Variants in RAB3B observed in about 807,000 individuals in gnomAD.
RAB3B encodes the protein ras-related protein Rab-3B.
A neutral mutation model predicts 20.5 loss-of-function variants in RAB3B; 11 were observed. The observed-to-expected ratio is 0.54, with a 90% CI of 0.34 to 0.89. The LOEUF is 0.89. RAB3B is among the 40% of genes least tolerant of loss of function. The pLI, the probability that RAB3B is intolerant of heterozygous loss-of-function variation, is 0.02. For missense variants in RAB3B, 225 were observed against 280.9 expected, an observed-to-expected ratio of 0.80 and a Z score of 1.42; for synonymous variants, 99 against 106.3, an observed-to-expected ratio of 0.93 and a Z score of 0.42.
intron 2 of RAB3B, among the ~76,000 whole-genome samples, chr1:51,974,940 G>A (rs894931812): frequency 2.0e-5 from 3 of 152,226 alleles, no homozygotes; most frequent in South Asian, 2.1e-4. Flanking sequence ...TTGGCTGGGC[G>A]TGGTGGCTCA....
At chr1:51,971,128 T>A (rs1684927470) in intron 2 of RAB3B, among the ~76,000 whole-genome samples, 1 of 151,954 alleles carries the variant, frequency 6.6e-6, no homozygotes, top group Admixed American at 6.6e-5. Flanking sequence ...CACAGTATTA[T>A]GTTATCACAT....
In RAB3B at chr1:51,933,432, T is replaced by C; in HGVS notation, c.358A>G (p.Ile120Val). ...GCATTGTCCCAGGAGTAGGTCTTGA[T>C]CTGAGTAGCCCTAAAATGAGATAGA... is the stretch of plus-strand genomic sequence containing the variant. ...FNAVQDWATQ[I>V]KTYSWDNAQV... The change falls in exon 4 of 5, where the codon ATC (isoleucine) becomes GTC (valine). Residue 120 changes from isoleucine to valine, a missense_variant. Transcript: ENST00000371655. The C allele has an allele frequency of 6.2e-7, 1 of 1,612,550 alleles. No individual in the cohort carries two copies. The highest frequency in any genetic ancestry group is 8.5e-7 in the Non-Finnish European group (1 of 1,178,642).
chr1:51,966,951 G>A (rs1684859989), intron 2 of RAB3B, among the ~76,000 whole-genome samples: 1 of 152,166 alleles, frequency 6.6e-6, no homozygotes, highest in South Asian at 2.1e-4. Flanking sequence ...AATGGGTCAA[G>A]GGACATCACC....
chr1:51,958,552 T>C (rs967897198), intron 2 of RAB3B, among the ~76,000 whole-genome samples: 14 of 152,044 alleles, frequency 9.2e-5, no homozygotes, highest in Non-Finnish European at 1.8e-4. Flanking sequence ...GGAGAAACCC[T>C]GTCTCTACTA....
chr1:51,941,675 T>A (rs542013684), intron 2 of RAB3B, among the ~76,000 whole-genome samples: 1 of 152,190 alleles, frequency 6.6e-6, no homozygotes, highest in South Asian at 2.1e-4. Context: ...CCTTACTCCA[T>A]AAAACAAAAC....
intron 2 of RAB3B, among the ~76,000 whole-genome samples, chr1:51,972,489 C>CTTTTTT (rs1160625371): frequency 2.1e-4 from 27 of 130,846 alleles, no homozygotes; most frequent in Non-Finnish European, 2.6e-4. Context: ...TTTCTTTTTT[C>CTTTTTT]TTTTTTTTTT....
At position 51,910,411 on chromosome 1, in the gene RAB3B, A is replaced by C. The variant is rs1370246167; in HGVS notation, c.*9516T>G. ...TTTCAAACAAATGGGACTGTGCTCT[A>C]TTCTCAACAAGTGTCAGAGATTCTT... On this transcript the variant is annotated 3_prime_UTR_variant, in exon 5 of 5. Transcript: ENST00000371655. 1 of 152,106 alleles carries C rather than the reference A, an allele frequency of 6.6e-6. No homozygotes were observed. The highest frequency in any genetic ancestry group is 1.5e-5 in the Non-Finnish European group (1 of 68,036). The allele number at this position is 152,106 out of a possible 1,614,324, so 9.4% of individuals were successfully genotyped here.
chr1:51,985,986 A>G (rs1197749874), intron 1 of RAB3B, among the ~76,000 whole-genome samples: 1 of 152,134 alleles, frequency 6.6e-6, no homozygotes, highest in East Asian at 1.9e-4. Flanking sequence ...AAGGAAAACG[A>G]AAACCACAAC....
At chr1:51,948,974 T>C (rs1479498225) in intron 2 of RAB3B, among the ~76,000 whole-genome samples, 3 of 152,196 alleles carry the variant, frequency 2.0e-5, no homozygotes, top group African/African-American at 7.2e-5. Context: ...ACAATTTGGA[T>C]AGAGCACACA....
chr1:51,957,151 T>C (rs1684717981), intron 2 of RAB3B, among the ~76,000 whole-genome samples: 1 of 152,200 alleles, frequency 6.6e-6, no homozygotes, highest in Non-Finnish European at 1.5e-5. Context: ...GGTGGAAAAC[T>C]TAGGCTAGAG....
rs56983923 is a variant in RAB3B at position 51,948,400 on chromosome 1, T to C, written c.229-10988A>G. ...GGAAGATGTTTAGCCATTGAGGGGA[T>C]AGTACTGCTATCTTCAACTATTTAA... On this transcript the variant is annotated intron_variant, in intron 2 of 4. Coordinates refer to ENST00000371655, the MANE Select transcript of RAB3B (RefSeq NM_002867.4). 6.2e-3 allele frequency among the ~76,000 whole-genome samples: 946 copies of C among 152,372 alleles called. 27 individuals are homozygous for C. The South Asian group carries it at 0.093, about 15-fold the overall frequency.
At position 51,989,208 on chromosome 1, in the gene RAB3B, T is replaced by TTGTGTGTGTGTG. The variant is rs60661761; in HGVS notation, c.-1+1332_-1+1343dup. On this transcript the variant is annotated intron_variant, in intron 1 of 4. Transcript: ENST00000371655. ...CCGGGGGAAGAGGGCCCATCTTGTT[T>TTGTGTGTGTGTG]TGTGTGTGTGTGTGTGTGTGTGTGT... Among the ~76,000 whole-genome samples, 517 of 99,848 alleles carry TTGTGTGTGTGTG rather than the reference T, an allele frequency of 5.2e-3. 10 individuals carry two copies. The highest frequency in any genetic ancestry group is 0.02 in the African/African-American group (461 of 23,146). 65.5% of individuals were successfully genotyped at this position (99,848 alleles called of 152,430 possible). A position where few individuals can be genotyped will look rare whatever the true frequency, so the allele number is the denominator to read the frequency against.
At chr1:51,987,346 C>A (rs1173715203) in intron 1 of RAB3B, among the ~76,000 whole-genome samples, 2 of 152,190 alleles carry the variant, frequency 1.3e-5, no homozygotes, top group African/African-American at 4.8e-5. Flanking sequence ...TTCAGTGATC[C>A]TGTAAACTTA....
Position 51,919,984 on chromosome 1 carries a change from G to A in RAB3B, c.603C>T (p.Ser201=), listed in dbSNP as rs1244338108. The A allele has an allele frequency of 6.2e-7, 1 of 1,614,144 alleles. No individual in the cohort carries two copies. Among genetic ancestry groups the A allele is most frequent in the Non-Finnish European group, 8.5e-7 (1 of 1,180,016 alleles). Residue 201 remains serine, a synonymous_variant, in exon 5 of 5, where the codon TCC becomes TCT. Transcript: ENST00000371655. ...LDTDPSMLGS[S]KNTRLSDTPP... ...GGGTGTCCGAGAGACGCGTGTTCTT[G>A]GAGGAGCCCAGCATCGACGGGTCTG... is the stretch of plus-strand genomic sequence containing the variant.
At chr1:51,945,788 CT>C (rs1240224777) in intron 2 of RAB3B, among the ~76,000 whole-genome samples, 1 of 152,200 alleles carries the variant, frequency 6.6e-6, no homozygotes. Context: ...TAATGTTTCC[CT>C]TAAAGAGTAG....
chr1:51,974,646 G>C (rs971353579), intron 2 of RAB3B, among the ~76,000 whole-genome samples: 10 of 152,180 alleles, frequency 6.6e-5, no homozygotes, highest in Non-Finnish European at 8.8e-5. Context: ...GCACAGTGTA[G>C]AGAAAAGAGC....
At chr1:51,931,447 G>A (rs1684322381) in intron 4 of RAB3B, among the ~76,000 whole-genome samples, 1 of 152,162 alleles carries the variant, frequency 6.6e-6, no homozygotes, top group African/African-American at 2.4e-5. Flanking sequence ...ACCAGGAAAT[G>A]TAGCCTATTT....
At chr1:51,954,998 G>A (rs1684688633) in intron 2 of RAB3B, among the ~76,000 whole-genome samples, 2 of 152,204 alleles carry the variant, frequency 1.3e-5, no homozygotes, top group Non-Finnish European at 2.9e-5. Flanking sequence ...GTCCAACATA[G>A]GGCCTATCAC....
At chr1:51,928,942 C>T (rs907259527) in intron 4 of RAB3B, among the ~76,000 whole-genome samples, 3 of 152,212 alleles carry the variant, frequency 2.0e-5, no homozygotes, top group African/African-American at 7.2e-5. Context: ...AGGTTTCTCT[C>T]TTGCACTTCT....
Sources: gnomAD v4.1 joint callset for allele counts (sites outside exome capture counted in the v4.1 genomes callset) on GRCh38, gnomAD v4.1.1 for gene constraint, MANE v1.5 for transcripts, NCBI Gene and HGNC (gene_info 2026-07-23, HGNC 2026-07-21) for gene names.